ENTREP2: variants seen among roughly 807,000 people sequenced by gnomAD.
The protein encoded by ENTREP2 is endosomal transmembrane epsin interactor 2, also known as protein ENTREP2.
At chr15:29,240,034 G>C in the ENTREP2 span, among the ~76,000 whole-genome samples, 1 of 152,170 alleles carries the variant, frequency 6.6e-6, no homozygotes, top group Admixed American at 6.5e-5. Flanking sequence ...TATGTGCTAT[G>C]GTTTGAATAA....
chr15:29,599,954 A>G, the ENTREP2 span, among the ~76,000 whole-genome samples: 1 of 151,342 alleles, frequency 6.6e-6, no homozygotes, highest in East Asian at 1.9e-4. Context: ...TGTTTTTTTT[A>G]TTAAAACCAC....
At chr15:29,178,449 CTCTGTTTTT>C in the ENTREP2 span, among the ~76,000 whole-genome samples, 1 of 152,066 alleles carries the variant, frequency 6.6e-6, no homozygotes, top group South Asian at 2.1e-4. Flanking sequence ...CTTACCTTCT[CTCTGTTTTT>C]TGTTTTTTGT....
chr15:29,196,950 C>A, the ENTREP2 span, among the ~76,000 whole-genome samples: 3 of 152,222 alleles, frequency 2.0e-5, no homozygotes, highest in East Asian at 5.8e-4. Context: ...AAATTTCCTG[C>A]CTCACTTCAT....
At chr15:29,354,193 G>A in the ENTREP2 span, among the ~76,000 whole-genome samples, 11 of 152,112 alleles carry the variant, frequency 7.2e-5, no homozygotes, top group African/African-American at 2.7e-4. Context: ...TTCTGTCCTT[G>A]GCCATCAGAG....
the ENTREP2 span, among the ~76,000 whole-genome samples, chr15:29,315,677 C>CA: frequency 6.6e-6 from 1 of 152,128 alleles, no homozygotes; most frequent in East Asian, 1.9e-4. Context: ...TCCTATAACT[C>CA]ACAGTCCAAA....
At chr15:29,614,209 A>G in the ENTREP2 span, 1 of 157,068 alleles carries the variant, frequency 6.4e-6, no homozygotes, top group African/African-American at 2.4e-5. Flanking sequence ...AGGGGAGGGC[A>G]TGAACGAGAT....
chr15:29,340,972 C>G, the ENTREP2 span, among the ~76,000 whole-genome samples: 1 of 152,196 alleles, frequency 6.6e-6, no homozygotes, highest in Non-Finnish European at 1.5e-5. Flanking sequence ...CTCAAATATG[C>G]CAGGCCCCAT....
At chr15:29,576,894 G>A in the ENTREP2 span, among the ~76,000 whole-genome samples, 6 of 151,924 alleles carry the variant, frequency 3.9e-5, no homozygotes, top group African/African-American at 1.4e-4. Flanking sequence ...TGCAAGCTCC[G>A]CCTCCCAGGT....
the ENTREP2 span, among the ~76,000 whole-genome samples, chr15:29,479,221 A>C: frequency 2.0e-5 from 3 of 147,352 alleles, no homozygotes; most frequent in Admixed American, 2.0e-4. Flanking sequence ...AAAAAAAAAA[A>C]AAAAAAGTGT....
the ENTREP2 span, among the ~76,000 whole-genome samples, chr15:29,487,401 C>T: frequency 6.6e-6 from 1 of 152,206 alleles, no homozygotes; most frequent in African/African-American, 2.4e-5. Flanking sequence ...GACTCCACCA[C>T]AGAGCCACTC....
the ENTREP2 span, among the ~76,000 whole-genome samples, chr15:29,572,864 T>C: frequency 7.4e-6 from 1 of 135,188 alleles, no homozygotes; most frequent in African/African-American, 2.9e-5. Context: ...AATCAGATGA[T>C]AAGGAGATTT....
At chr15:29,221,451 CGG>C in the ENTREP2 span, among the ~76,000 whole-genome samples, 1 of 152,090 alleles carries the variant, frequency 6.6e-6, no homozygotes, top group Non-Finnish European at 1.5e-5. Context: ...CTGCCCACCT[CGG>C]CCTCTCAAAG....
At chr15:29,602,667 A>G in the ENTREP2 span, among the ~76,000 whole-genome samples, 1 of 152,080 alleles carries the variant, frequency 6.6e-6, no homozygotes, top group Non-Finnish European at 1.5e-5. Flanking sequence ...CCTCCTGAGT[A>G]GCTGGGATTA....
the ENTREP2 span, among the ~76,000 whole-genome samples, chr15:29,216,577 T>G: frequency 6.6e-6 from 1 of 152,198 alleles, no homozygotes; most frequent in African/African-American, 2.4e-5. Context: ...GCTTTTAGAA[T>G]TCTCTTCTTT....
the ENTREP2 span, among the ~76,000 whole-genome samples, chr15:29,214,167 G>T: frequency 0.022 from 3,289 of 152,268 alleles, 106 homozygotes; most frequent in African/African-American, 0.075. Context: ...AATACCATTT[G>T]ACCCAGCCAT....
the ENTREP2 span, among the ~76,000 whole-genome samples, chr15:29,583,780 T>C: frequency 2.0e-5 from 3 of 152,172 alleles, no homozygotes; most frequent in Admixed American, 6.5e-5. Context: ...CCAAAATAAC[T>C]AGACAGACAT....
At chr15:29,278,743 G>T in the ENTREP2 span, among the ~76,000 whole-genome samples, 1 of 152,232 alleles carries the variant, frequency 6.6e-6, no homozygotes, top group Non-Finnish European at 1.5e-5. Context: ...CTTTTCTGCA[G>T]ATCTGTTGAC....
the ENTREP2 span, among the ~76,000 whole-genome samples, chr15:29,549,003 G>C: frequency 1.3e-5 from 2 of 152,172 alleles, no homozygotes; most frequent in African/African-American, 4.8e-5. Flanking sequence ...CTGAGTCTCA[G>C]GCAATCATAG....
At chr15:29,362,401 G>C in the ENTREP2 span, among the ~76,000 whole-genome samples, 58 of 118,106 alleles carry the variant, frequency 4.9e-4, no homozygotes, top group African/African-American at 1.9e-3. Context: ...TTGAGACAGA[G>C]TCTTGCTCTG....
Sources: gnomAD v4.1 joint callset for allele counts (sites outside exome capture counted in the v4.1 genomes callset) on GRCh38, gnomAD v4.1.1 for gene constraint, MANE v1.5 for transcripts, NCBI Gene and HGNC (gene_info 2026-07-23, HGNC 2026-07-21) for gene names.